DLG2: variants seen among roughly 807,000 people sequenced by gnomAD.
DLG2 encodes disks large homolog 2.
DLG2 carries 45 observed loss-of-function variants against 132.5 expected under a neutral mutation model. The observed-to-expected ratio is 0.34, with a 90% CI of 0.27 to 0.44. DLG2 has a LOEUF of 0.44. Among genes scored for constraint, DLG2 ranks in the 20% least tolerant of loss-of-function variants. DLG2 has a pLI of 1.00. For synonymous variants in DLG2, 424 were observed against 419.6 expected, an observed-to-expected ratio of 1.01 and a Z score of -0.13; for missense variants, 1,045 against 1,196.9, an observed-to-expected ratio of 0.87 and a Z score of 1.87.
intron 14 of DLG2, among the ~76,000 whole-genome samples, chr11:83,949,094 T>C (rs1321447121): frequency 3.3e-5 from 5 of 152,210 alleles, no homozygotes; most frequent in African/African-American, 4.8e-5. Context: ...TCTAATATTG[T>C]TGTCCCTATG....
At chr11:84,738,234 T>C (rs2064125751) in intron 6 of DLG2, among the ~76,000 whole-genome samples, 1 of 152,100 alleles carries the variant, frequency 6.6e-6, no homozygotes, top group Non-Finnish European at 1.5e-5. Context: ...CTTTTTCTTT[T>C]TTTTTGCTTG....
At chr11:84,681,753 A>G (rs2099730627) in intron 6 of DLG2, among the ~76,000 whole-genome samples, 1 of 151,984 alleles carries the variant, frequency 6.6e-6, no homozygotes, top group Non-Finnish European at 1.5e-5. Context: ...CCCTGCTGAG[A>G]TTCAGACTCA....
rs372357741 is a variant in DLG2, at chr11:84,957,798, C to T, written c.357+153863G>A. 2.0e-4 allele frequency among the ~76,000 whole-genome samples: 31 copies of T among 152,302 alleles called. 1 individual carries two copies. In the East Asian group the frequency reaches 3.3e-3, roughly 16 times the overall value. ...ATTAGCAATTAAGACTCACGTGTAT[C>T]ATCTCTCACCATTGTCATGGTATGA... On this transcript the variant is annotated intron_variant, in intron 6 of 27. Transcript: ENST00000376104.
chr11:84,893,211 G>A (rs971092025), intron 6 of DLG2, among the ~76,000 whole-genome samples: 1 of 152,130 alleles, frequency 6.6e-6, no homozygotes, highest in Non-Finnish European at 1.5e-5. Context: ...ATCAGGTGAG[G>A]AGCTTGTAGG....
chr11:85,115,100 G>A (rs887422094), intron 5 of DLG2, among the ~76,000 whole-genome samples: 1 of 151,670 alleles, frequency 6.6e-6, no homozygotes, highest in Non-Finnish European at 1.5e-5. Context: ...CGGGGTGGGG[G>A]TGCGGTATTG....
intron 3 of DLG2, among the ~76,000 whole-genome samples, chr11:85,297,973 C>A (rs1323071464): frequency 6.6e-6 from 1 of 152,036 alleles, no homozygotes; most frequent in Non-Finnish European, 1.5e-5. Flanking sequence ...AGGAGGGCGC[C>A]CATGTGATGG....
chr11:84,713,851 A>C (rs1489737369), intron 6 of DLG2, among the ~76,000 whole-genome samples: 1 of 152,126 alleles, frequency 6.6e-6, no homozygotes, highest in Non-Finnish European at 1.5e-5. Flanking sequence ...TGTTGATTTT[A>C]TTTTTAATAG....
chr11:84,403,134 A>G (rs1011894072), intron 7 of DLG2, among the ~76,000 whole-genome samples: 2 of 152,068 alleles, frequency 1.3e-5, no homozygotes, highest in African/African-American at 4.8e-5. Flanking sequence ...CAGATGGTTC[A>G]GTTGATTGCT....
At chr11:85,521,730 A>G (rs1265424259) in intron 3 of DLG2, among the ~76,000 whole-genome samples, 1 of 152,200 alleles carries the variant, frequency 6.6e-6, no homozygotes, top group Non-Finnish European at 1.5e-5. Context: ...GATGAAGATG[A>G]GGAACTTTTT....
intron 6 of DLG2, among the ~76,000 whole-genome samples, chr11:84,882,989 G>A (rs2087599972): frequency 6.6e-6 from 1 of 151,986 alleles, no homozygotes; most frequent in Admixed American, 6.6e-5. Context: ...AAATCATTCT[G>A]TTATAAAGAC....
intron 19 of DLG2, among the ~76,000 whole-genome samples, chr11:83,573,948 T>G (rs2096837804): frequency 6.6e-6 from 1 of 152,210 alleles, no homozygotes; most frequent in Admixed American, 6.5e-5. Flanking sequence ...ATTGAGTTGG[T>G]GAACTTTTGA....
At chr11:84,332,835 T>C (rs1600084736) in intron 7 of DLG2, among the ~76,000 whole-genome samples, 1 of 152,194 alleles carries the variant, frequency 6.6e-6, no homozygotes, top group East Asian at 1.9e-4. Flanking sequence ...GCAATGCCCA[T>C]ATCCTTCTCC....
At chr11:83,755,319 G>A (rs924780998) in intron 18 of DLG2, among the ~76,000 whole-genome samples, 2 of 150,856 alleles carry the variant, frequency 1.3e-5, no homozygotes, top group Middle Eastern at 3.2e-3. Context: ...TCGAGTTTGC[G>A]ATATGTTTAT....
intron 11 of DLG2, among the ~76,000 whole-genome samples, chr11:84,035,002 C>T (rs1243487326): frequency 2.0e-5 from 3 of 152,078 alleles, no homozygotes; most frequent in African/African-American, 7.2e-5. Context: ...AGAGATGACC[C>T]AAATGGAGCT....
rs187990555 is a variant in DLG2 at position 84,806,860 on chromosome 11, G to A, written c.358-272129C>T. Among the ~76,000 whole-genome samples, 390 of 152,232 alleles carry A rather than the reference G, an allele frequency of 2.6e-3. 3 individuals are homozygous for A. The highest frequency in any genetic ancestry group is 4.2e-3 in the Non-Finnish European group (287 of 68,024). On this transcript the variant is annotated intron_variant, in intron 6 of 27. Coordinates refer to ENST00000376104, the MANE Select transcript of DLG2 (RefSeq NM_001142699.3). ...GAAACTTAAATAGCAACAGTCTAAT[G>A]TAGATGAAATATTTTTTAAAAAATA... is the stretch of plus-strand genomic sequence containing the variant.
At chr11:84,709,244 G>A (rs1019673177) in intron 6 of DLG2, among the ~76,000 whole-genome samples, 5 of 151,908 alleles carry the variant, frequency 3.3e-5, no homozygotes, top group African/African-American at 4.8e-5. Context: ...AAGGAAGATT[G>A]AATACAGTTA....
chr11:83,833,641 C>T lies in DLG2; in HGVS notation c.1695G>A (p.Glu565=). Reference sequence around the variant, plus strand: ...ATAGGATCTGGTCTCCTCTCTGGAGCTCCCCACTTAGGTCTGCTGGTCCAC... The same window carrying T: ...ATAGGATCTGGTCTCCTCTCTGGAGTTCCCCACTTAGGTCTGCTGGTCCAC... ...LAGGPADLSG[E]LQRGDQILSV... is the part of the protein sequence containing the mutation. Residue 565 remains glutamate (E), a synonymous_variant, in exon 17 of 28, where the codon GAG becomes GAA. Transcript: ENST00000376104. The T allele has an allele frequency of 2.5e-6, 4 of 1,613,966 alleles. No homozygotes were observed. The South Asian group carries it at 4.4e-5, about 18-fold the overall frequency.
rs1008571721 is a variant in DLG2, at chr11:84,423,050, T to C, written c.519+111520A>G. On this transcript the variant is annotated intron_variant, in intron 7 of 27. Coordinates refer to ENST00000376104, the MANE Select transcript of DLG2 (RefSeq NM_001142699.3). ...AACTGTAAAGGGTAGATGGAACTAT[T>C]GTAAATTAGTCAGCACATTTTATGG... Among the ~76,000 whole-genome samples, 4 of 152,262 alleles carry C rather than the reference T, an allele frequency of 2.6e-5. No individual in the cohort carries two copies. In the East Asian group the frequency reaches 7.7e-4, roughly 29 times the overall value.
intron 10 of DLG2, among the ~76,000 whole-genome samples, chr11:84,065,069 C>T (rs1157854312): frequency 5.9e-5 from 9 of 152,026 alleles, no homozygotes; most frequent in Non-Finnish European, 1.2e-4. Flanking sequence ...AAAATAATCT[C>T]GAGATGAATT....
Sources: allele counts gnomAD v4.1 joint callset (sites outside exome capture counted in the v4.1 genomes callset), GRCh38; gene constraint gnomAD v4.1.1; transcripts MANE v1.5; gene names NCBI Gene and HGNC (gene_info 2026-07-23, HGNC 2026-07-21).